PTPN3: variants seen among roughly 807,000 people sequenced by gnomAD.
PTPN3 encodes protein tyrosine phosphatase non-receptor type 3, also known as tyrosine-protein phosphatase non-receptor type 3.
PTPN3 carries 96 observed loss-of-function variants against 132.7 expected under a neutral mutation model. That is an observed-to-expected ratio of 0.72 (90% confidence interval 0.61 to 0.86). The LOEUF is 0.86. Among genes scored for constraint, PTPN3 ranks in the 40% least tolerant of loss-of-function variants. PTPN3 has a pLI of 0.00. For missense variants in PTPN3, 1,125 were observed against 1,159.6 expected, an observed-to-expected ratio of 0.97 and a Z score of 0.43; for synonymous variants, 398 against 429.0, an observed-to-expected ratio of 0.93 and a Z score of 0.89.
the PTPN3 span, among the ~76,000 whole-genome samples, chr9:109,511,980 C>A: frequency 6.6e-6 from 1 of 152,086 alleles, no homozygotes; most frequent in African/African-American, 2.4e-5. Context: ...AATAAATGAA[C>A]AAATGGATCT....
At chr9:109,429,384 TC>T (rs1376873595) in intron 10 of PTPN3, among the ~76,000 whole-genome samples, 1 of 152,154 alleles carries the variant, frequency 6.6e-6, no homozygotes, top group Non-Finnish European at 1.5e-5. Context: ...TATGAAGTCT[TC>T]CCAACAGTGG....
chr9:109,514,380 T>C, the PTPN3 span, among the ~76,000 whole-genome samples: 2 of 152,190 alleles, frequency 1.3e-5, no homozygotes, highest in Non-Finnish European at 2.9e-5. Context: ...TGTGCCATAT[T>C]TGAGGGTAAC....
rs377671421 is a variant in PTPN3, at chr9:109,433,123, G to A, written c.714C>T (p.Ser238=). ...ATTTTCGGTACACAGCAACACCCGC[G>A]GAAGCAATTCCAATCATTAGGTCTA... ...HNLDLMIGIA[S]AGVAVYRKYI... The change falls in exon 10 of 26, where the codon TCC becomes TCT. Residue 238 remains serine, a synonymous_variant. Coordinates refer to ENST00000374541, the MANE Select transcript of PTPN3 (RefSeq NM_002829.4). The A allele has an allele frequency of 3.7e-5, 60 of 1,614,082 alleles. 2 individuals carry two copies. The highest frequency in any genetic ancestry group is 2.9e-4 in the South Asian group (26 of 91,078).
At chr9:109,486,386 T>C (rs1847209240) in intron 1 of PTPN3, among the ~76,000 whole-genome samples, 2 of 152,146 alleles carry the variant, frequency 1.3e-5, no homozygotes, top group African/African-American at 4.8e-5. Flanking sequence ...AGGGGCCTAT[T>C]TGTGACAGTA....
At chr9:109,417,326 TTC>T (rs1383484952) in intron 14 of PTPN3, among the ~76,000 whole-genome samples, 1 of 152,224 alleles carries the variant, frequency 6.6e-6, no homozygotes, top group East Asian at 1.9e-4. Flanking sequence ...CTCTTTTTCT[TTC>T]TCTCTTTCTT....
At chr9:109,411,309 TC>T (rs1430726219) in intron 14 of PTPN3, among the ~76,000 whole-genome samples, 4 of 152,150 alleles carry the variant, frequency 2.6e-5, no homozygotes, top group Non-Finnish European at 2.9e-5. Flanking sequence ...CACATGGCTT[TC>T]CCCCGGCTTA....
At chr9:109,439,317 C>T (rs1026355696) in intron 7 of PTPN3, among the ~76,000 whole-genome samples, 1 of 151,816 alleles carries the variant, frequency 6.6e-6, no homozygotes, top group Non-Finnish European at 1.5e-5. Context: ...ATGGGGCAAC[C>T]GATCTCGTAT....
Position 109,454,542 on chromosome 9 carries a change from T to G in PTPN3, c.322A>C (p.Arg108=), listed in dbSNP as rs1232097980. Residue 108 remains arginine (R), a synonymous_variant, in exon 5 of 26, where the codon AGA becomes CGA. Coordinates refer to ENST00000374541, the MANE Select transcript of PTPN3 (RefSeq NM_002829.4). ...GFPCTLHFRV[R]FFIPDPNTLQ... ...GTGTTGGGATCAGGTATAAAAAATCTTACTCGAAAATGCAGGGTACAGGGG... is the reference window on the plus strand; with the variant it reads ...GTGTTGGGATCAGGTATAAAAAATCGTACTCGAAAATGCAGGGTACAGGGG... 2 of 1,613,564 alleles carry G rather than the reference T, an allele frequency of 1.2e-6. No individual in the cohort carries two copies. The highest frequency in any genetic ancestry group is 1.7e-6 in the Non-Finnish European group (2 of 1,179,912).
In PTPN3 at chr9:109,443,428, C is replaced by G. The variant is rs1844633460; in HGVS notation, c.466+1812G>C. 3.3e-5 allele frequency among the ~76,000 whole-genome samples: 5 copies of G among 152,246 alleles called. No homozygotes were observed. The South Asian group carries it at 1.0e-3, about 32-fold the overall frequency. ...GTCCTACTATAATACCCAGGCTGGT[C>G]TCAGACTCTGGGGTTCAAGGGATCC... On this transcript the variant is annotated intron_variant, in intron 7 of 25. Coordinates refer to ENST00000374541, the MANE Select transcript of PTPN3 (RefSeq NM_002829.4).
chr9:109,395,187 G>A (rs140925688), intron 19 of PTPN3, among the ~76,000 whole-genome samples: 40 of 151,106 alleles, frequency 2.6e-4, no homozygotes, highest in African/African-American at 8.7e-4. Context: ...GAAGGGGATA[G>A]GAGTCAGGAG....
chr9:109,488,328 G>T (rs1847308119), intron 1 of PTPN3, among the ~76,000 whole-genome samples: 1 of 151,910 alleles, frequency 6.6e-6, no homozygotes, highest in South Asian at 2.1e-4. Context: ...TCGAACTCCT[G>T]ACCTCAGGTG....
rs539010656 is a variant in PTPN3 at position 109,408,227 on chromosome 9, G to A, written c.1635+94C>T. The A allele has an allele frequency of 4.2e-5, 43 of 1,022,938 alleles. No individual in the cohort carries two copies. In the South Asian group the frequency reaches 7.4e-4, roughly 18 times the overall value. 63.4% of individuals were successfully genotyped at this position (1,022,938 alleles called of 1,614,324 possible). The stretch of plus-strand genomic sequence containing the variant: ...TATATCTAAGCACATTCTTTGCTCT[G>A]GCAAAAAAAGAAACAGGACTCAGAA... On this transcript the variant is annotated intron_variant, in intron 17 of 25. Coordinates refer to ENST00000374541, the MANE Select transcript of PTPN3 (RefSeq NM_002829.4).
At chr9:109,443,224 G>A (rs755869543) in intron 7 of PTPN3, among the ~76,000 whole-genome samples, 9 of 151,642 alleles carry the variant, frequency 5.9e-5, no homozygotes, top group Non-Finnish European at 1.2e-4. Context: ...TACAGGCACC[G>A]CACCACCACA....
intron 8 of PTPN3, 43 bp from the exon 9 acceptor site, chr9:109,437,013 G>A (rs200171034): frequency 1.2e-5 from 20 of 1,611,214 alleles, no homozygotes; most frequent in Admixed American, 1.7e-5. Flanking sequence ...CCAATAAAGA[G>A]AGGGCATTAA....
intron 8 of PTPN3, among the ~76,000 whole-genome samples, chr9:109,437,758 C>T (rs1218518977): frequency 6.6e-6 from 1 of 151,436 alleles, no homozygotes; most frequent in South Asian, 2.1e-4. Flanking sequence ...CCTGAAGGAA[C>T]AGCTTGTTTT....
intron 17 of PTPN3, among the ~76,000 whole-genome samples, chr9:109,407,339 T>C (rs1469981165): frequency 2.0e-5 from 3 of 152,070 alleles, no homozygotes; most frequent in African/African-American, 7.2e-5. Flanking sequence ...ATCATACCAC[T>C]GCATTCCAGC....
At chr9:109,511,808 C>G in the PTPN3 span, among the ~76,000 whole-genome samples, 1 of 152,166 alleles carries the variant, frequency 6.6e-6, no homozygotes, top group Non-Finnish European at 1.5e-5. Context: ...GGTTGAATCC[C>G]TGTATTATTT....
the PTPN3 span, chr9:109,534,012 C>G: frequency 2.6e-6 from 2 of 768,182 alleles, no homozygotes; most frequent in Non-Finnish European, 4.8e-6. Context: ...TCCACAGTCT[C>G]TCCATTTCTA....
intron 19 of PTPN3, 129 bp from the exon 20 acceptor site, chr9:109,391,690 A>G: frequency 1.5e-6 from 1 of 660,890 alleles, no homozygotes; most frequent in Non-Finnish European, 2.4e-6. Context: ...ATACTAAAAG[A>G]AAATCTTCCC....
Sources: allele counts gnomAD v4.1 joint callset (sites outside exome capture counted in the v4.1 genomes callset), GRCh38; gene constraint gnomAD v4.1.1; transcripts MANE v1.5; gene names NCBI Gene and HGNC (gene_info 2026-07-23, HGNC 2026-07-21).